Variants in COL23A1 observed in about 807,000 individuals in gnomAD.
COL23A1 encodes collagen type XXIII alpha 1 chain, also known as collagen alpha-1(XXIII) chain.
A neutral mutation model predicts 99.3 loss-of-function variants in COL23A1; 97 were observed. The ratio of observed to expected loss-of-function variants is 0.98; its 90% confidence interval spans 0.83 to 1.16. COL23A1 has a LOEUF of 1.16. Among genes scored for constraint, COL23A1 ranks in the 50% most tolerant of loss-of-function variants. The pLI, the probability that COL23A1 is intolerant of heterozygous loss-of-function variation, is 0.00. For synonymous variants in COL23A1, 320 were observed against 308.2 expected (o/e 1.04, Z -0.40); for missense variants, 762 against 757.4 (o/e 1.01, Z -0.07).
At chr5:178,354,995 T>C (rs778036923) in intron 2 of COL23A1, among the ~76,000 whole-genome samples, 17 of 151,544 alleles carry the variant, frequency 1.1e-4, no homozygotes, top group South Asian at 2.1e-4. Context: ...GAGGCGGAGG[T>C]TGCAGTGAGT....
At chr5:178,268,836 G>C (rs1756057996) in intron 6 of COL23A1, 80 bp from the exon 7 acceptor site, 1 of 1,443,784 alleles carries the variant, frequency 6.9e-7, no homozygotes, top group African/African-American at 1.4e-5. Context: ...CTATACCTCT[G>C]AGGGCAGAAG....
chr5:178,485,751 C>T (rs570271963), intron 2 of COL23A1, among the ~76,000 whole-genome samples: 1 of 139,996 alleles, frequency 7.1e-6, no homozygotes, highest in East Asian at 2.1e-4. Flanking sequence ...CATTGCACTC[C>T]AGCCTGGGTG....
At chr5:178,445,864 A>T (rs764028877) in intron 2 of COL23A1, among the ~76,000 whole-genome samples, 7 of 152,126 alleles carry the variant, frequency 4.6e-5, no homozygotes, top group Non-Finnish European at 8.8e-5. Flanking sequence ...AGAAACTGAA[A>T]ACCATTTTGC....
chr5:178,563,527 T>TC (rs70997614), intron 1 of COL23A1, among the ~76,000 whole-genome samples: 2 of 1,970 alleles, frequency 1.0e-3, no homozygotes, highest in African/African-American at 4.5e-3. Flanking sequence ...CAGAACTCAC[T>TC]TTTTTTTTTT....
At chr5:178,356,805 C>T (rs1331454487) in intron 2 of COL23A1, among the ~76,000 whole-genome samples, 2 of 152,100 alleles carry the variant, frequency 1.3e-5, no homozygotes, top group Non-Finnish European at 2.9e-5. Context: ...ATTGGCTATG[C>T]AGCAGGAGGA....
At chr5:178,315,762 CTTTTTTTTT>C (rs34604670) in intron 2 of COL23A1, among the ~76,000 whole-genome samples, 27 of 96,754 alleles carry the variant, frequency 2.8e-4, no homozygotes, top group East Asian at 2.3e-3. Context: ...GAAGCACTGA[CTTTTTTTTT>C]TTTTTTTTTT....
At chr5:178,556,484 G>A (rs1219187928) in intron 2 of COL23A1, among the ~76,000 whole-genome samples, 2 of 150,646 alleles carry the variant, frequency 1.3e-5, no homozygotes, top group South Asian at 2.1e-4. Context: ...TTAGCTGGGC[G>A]TGGTGGCAGG....
intron 2 of COL23A1, among the ~76,000 whole-genome samples, chr5:178,482,252 G>C (rs2127953996): frequency 6.6e-6 from 1 of 152,160 alleles, no homozygotes; most frequent in South Asian, 2.1e-4. Flanking sequence ...ACATACAGTG[G>C]AATATTATTC....
chr5:178,464,056 CAT>C (rs1297543988), intron 2 of COL23A1, among the ~76,000 whole-genome samples: 1 of 152,240 alleles, frequency 6.6e-6, no homozygotes, highest in Non-Finnish European at 1.5e-5. Flanking sequence ...ACTGCCGTAA[CAT>C]ACACATAACA....
rs116767319 is a variant in COL23A1, at chr5:178,280,146, C to A, written c.441+8178G>T. Reference sequence around the variant, plus strand: ...TGCCCGGCCAGGGAACACTAGAGGGCGCGCTTGACCTGCCGAAGGCTGCCT... The same window carrying A: ...TGCCCGGCCAGGGAACACTAGAGGGAGCGCTTGACCTGCCGAAGGCTGCCT... On this transcript the variant is annotated intron_variant, in intron 5 of 28. Transcript: ENST00000390654. The surrounding 1 kb of genome is among the most constrained non-coding windows in gnomAD (Gnocchi z 4.9). Among the ~76,000 whole-genome samples, 6 of 152,244 alleles carry A rather than the reference C, an allele frequency of 3.9e-5. No homozygotes were observed. Among genetic ancestry groups the A allele is most frequent in the African/African-American group, 1.4e-4 (6 of 41,476 alleles).
chr5:178,457,994 T>G (rs1159171458), intron 2 of COL23A1, among the ~76,000 whole-genome samples: 1 of 152,200 alleles, frequency 6.6e-6, no homozygotes, highest in African/African-American at 2.4e-5. Flanking sequence ...TCTCTATATA[T>G]TTCCTCTTTA....
chr5:178,585,744 G>GGCGCGGGGGTAAC (rs1454677345), intron 1 of COL23A1, among the ~76,000 whole-genome samples: 1 of 151,976 alleles, frequency 6.6e-6, no homozygotes, highest in Non-Finnish European at 1.5e-5. Context: ...AGCCCTGGCT[G>GGCGCGGGGGTAAC]ACCCTGTTGG....
intron 2 of COL23A1, among the ~76,000 whole-genome samples, chr5:178,337,644 G>A (rs1008150314): frequency 6.6e-6 from 1 of 152,076 alleles, no homozygotes; most frequent in East Asian, 1.9e-4. Context: ...GGGGGCAGGA[G>A]GTTGGGGACA....
chr5:178,268,665 C>T (rs570896231), intron 7 of COL23A1, 65 bp downstream of exon 7: 86 of 1,553,276 alleles, frequency 5.5e-5, no homozygotes, highest in Middle Eastern at 5.2e-4. Context: ...AACTGGCGTT[C>T]GGAGGCAGGT....
chr5:178,387,470 C>A lies in COL23A1; in HGVS notation c.362-80551G>T, dbSNP rs1414797584. The stretch of plus-strand genomic sequence containing the variant: ...CGGACATGTTCCTGCTGCCCTCCTG[C>A]AGCTCAGAGCACCCCTGCCCATGAG... On this transcript the variant is annotated intron_variant, in intron 2 of 28. Transcript: ENST00000390654. The surrounding 1 kb of genome is among the most constrained non-coding windows in gnomAD (Gnocchi z 4.7). 3.3e-5 allele frequency among the ~76,000 whole-genome samples: 5 copies of A among 152,174 alleles called. No individual in the cohort carries two copies. Among genetic ancestry groups the A allele is most frequent in the African/African-American group, 9.7e-5 (4 of 41,438 alleles).
At chr5:178,540,024 C>T (rs1761204090) in intron 2 of COL23A1, among the ~76,000 whole-genome samples, 2 of 152,330 alleles carry the variant, frequency 1.3e-5, no homozygotes, top group Middle Eastern at 3.4e-3. Context: ...ATGATCATCT[C>T]ATAAATTTAG....
In COL23A1 at chr5:178,416,602, C is replaced by T. The variant is rs143694016; in HGVS notation, c.362-109683G>A. On this transcript the variant is annotated intron_variant, in intron 2 of 28. Coordinates refer to ENST00000390654, the MANE Select transcript of COL23A1 (RefSeq NM_173465.4). ...ACCATACCCATGCCTATTTTAAAAT[C>T]ATTTGTATGTGCTGAGTGCTTTGTG... Among the ~76,000 whole-genome samples, 6 of 152,300 alleles carry T rather than the reference C, an allele frequency of 3.9e-5. No homozygotes were observed. In the East Asian group the frequency reaches 9.6e-4, roughly 24 times the overall value.
intron 2 of COL23A1, among the ~76,000 whole-genome samples, chr5:178,477,274 G>A (rs1184143670): frequency 6.6e-6 from 1 of 152,186 alleles, no homozygotes; most frequent in Non-Finnish European, 1.5e-5. Flanking sequence ...GGCTCACAGA[G>A]CTCTGAGCAG....
At chr5:178,417,488 C>A (rs1347308347) in intron 2 of COL23A1, among the ~76,000 whole-genome samples, 1 of 152,170 alleles carries the variant, frequency 6.6e-6, no homozygotes, top group Non-Finnish European at 1.5e-5. Flanking sequence ...ATCACGCCCG[C>A]AACATTCTGG....
Sources: allele counts gnomAD v4.1 joint callset (sites outside exome capture counted in the v4.1 genomes callset), GRCh38; gene constraint gnomAD v4.1.1; non-coding constraint Gnocchi (gnomAD v3.1); transcripts MANE v1.5; gene names NCBI Gene and HGNC (gene_info 2026-07-23, HGNC 2026-07-21).